The following KIF11 variants were observed in gnomAD, a reference collection of about 807,000 sequenced individuals.
KIF11 encodes the protein kinesin-like protein KIF11.
KIF11 carries 9 observed loss-of-function variants against 121.0 expected under a neutral mutation model. The observed-to-expected ratio is 0.07, with a 90% CI of 0.04 to 0.13. The LOEUF (loss-of-function observed/expected upper bound fraction) is 0.13. Ranked by LOEUF, KIF11 falls within the 10% of genes least tolerant of loss-of-function variation. The pLI is 1.00. For missense variants in KIF11, 846 were observed against 1,217.5 expected (o/e 0.69, Z 4.54); for synonymous variants, 408 against 421.0 (o/e 0.97, Z 0.38).
rs766785394 is a variant in KIF11, at chr10:92,655,030, G to A, written c.*1234G>A. 2 of 152,476 alleles carry A rather than the reference G, an allele frequency of 1.3e-5. No homozygotes were observed. Among genetic ancestry groups the A allele is most frequent in the African/African-American group, 2.4e-5 (1 of 41,402 alleles). 9.4% of individuals were successfully genotyped at this position (152,476 alleles called of 1,614,324 possible). On this transcript the variant is annotated 3_prime_UTR_variant, in exon 22 of 22. Transcript: ENST00000260731. The stretch of plus-strand genomic sequence containing the variant: ...CAATGTGTACATGTATCTTTTTCTC[G>A]ATTCAAATCTTAACCCTTAGGACTC...
chr10:92,602,825 CGTGTGTGTGTGTGTGTGT>C (rs3980475), intron 1 of KIF11, among the ~76,000 whole-genome samples: 2 of 122,440 alleles, frequency 1.6e-5, no homozygotes, highest in South Asian at 2.5e-4. Context: ...CACACACACA[CGTGTGTGTGTGTGTGTGT>C]GTGTGTGTGT....
Position 92,593,172 on chromosome 10 carries a change from G to A in KIF11, c.-204G>A, listed in dbSNP as rs1329876944. On this transcript the variant is annotated 5_prime_UTR_variant, in exon 1 of 22. Coordinates refer to ENST00000260731, the MANE Select transcript of KIF11 (RefSeq NM_004523.4). ...GCGGAGACGAGATTAGTGATTTGGC[G>A]GCTCCGACTGGCGCGGGACAAACGC... 5.5e-6 allele frequency: 3 copies of A among 541,572 alleles called. No individual in the cohort carries two copies. Among genetic ancestry groups the A allele is most frequent in the East Asian group, 3.1e-5 (1 of 32,322 alleles). 33.5% of individuals were successfully genotyped at this position (541,572 alleles called of 1,614,324 possible).
chr10:92,646,477 A>G (rs1247572727), intron 18 of KIF11, among the ~76,000 whole-genome samples: 1 of 152,044 alleles, frequency 6.6e-6, no homozygotes, highest in South Asian at 2.1e-4. Context: ...TTTAATCTAT[A>G]TAAGCTGTTT....
chr10:92,631,354 ATTTTT>A (rs1247892671), intron 12 of KIF11, among the ~76,000 whole-genome samples: 1 of 131,956 alleles, frequency 7.6e-6, no homozygotes, highest in Non-Finnish European at 1.6e-5. Context: ...AAAGTATTTA[ATTTTT>A]TTTTTTTTTT....
chr10:92,624,120 A>C, intron 10 of KIF11, among the ~76,000 whole-genome samples: 1 of 151,798 alleles, frequency 6.6e-6, no homozygotes, highest in East Asian at 1.9e-4. Flanking sequence ...TTTAGCTCCT[A>C]CTTATAAGTG....
chr10:92,650,327 C>T, intron 20 of KIF11, 74 bp from the exon 21 acceptor site: 2 of 835,274 alleles, frequency 2.4e-6, no homozygotes, highest in Admixed American at 3.8e-5. Context: ...TTGTGTTATA[C>T]TCAAAGCTGC....
rs11187096 is a variant in KIF11, at chr10:92,609,831, G to T, written c.698+322G>T. Among the ~76,000 whole-genome samples the T allele has an allele frequency of 0.31, 47,051 of 151,998 alleles. 8,230 individuals carry two copies. Among genetic ancestry groups the T allele is most frequent in the East Asian group, 0.67 (3,469 of 5,160 alleles). ...GACTCACTGCAACCTCTGCCCACCG[G>T]GTTGAAGCAATTCTCCTGCCTCAGC... On this transcript the variant is annotated intron_variant, in intron 6 of 21. Transcript: ENST00000260731.
At chr10:92,649,133 A>C (rs1265670858) in intron 19 of KIF11, among the ~76,000 whole-genome samples, 1 of 149,828 alleles carries the variant, frequency 6.7e-6, no homozygotes, top group Non-Finnish European at 1.5e-5. Context: ...TTTTTTTTTT[A>C]ATTTAAAAAG....
At chr10:92,630,083 T>C (rs1844720218) in intron 11 of KIF11, 93 bp from the exon 12 acceptor site, 2 of 655,884 alleles carry the variant, frequency 3.0e-6, no homozygotes, top group Non-Finnish European at 5.0e-6. Flanking sequence ...TTACAACTTT[T>C]GCATGGAAAT....
intron 4 of KIF11, among the ~76,000 whole-genome samples, chr10:92,607,544 A>C (rs1299868226): frequency 6.6e-6 from 1 of 152,184 alleles, no homozygotes; most frequent in Non-Finnish European, 1.5e-5. Context: ...GCTTGAAGGC[A>C]GGGAGGGCTT....
chr10:92,652,042 C>G (rs923074484), intron 21 of KIF11, among the ~76,000 whole-genome samples: 4 of 148,236 alleles, frequency 2.7e-5, no homozygotes, highest in African/African-American at 1.0e-4. Context: ...AACTCTTGGC[C>G]TCAAGCAGCC....
chr10:92,609,605 G>A, intron 6 of KIF11, 96 bp downstream of exon 6: 1 of 1,149,890 alleles, frequency 8.7e-7, no homozygotes, highest in Non-Finnish European at 1.2e-6. Flanking sequence ...GGGTATGTGG[G>A]TCACGTACCT....
intron 14 of KIF11, 152 bp from the exon 15 acceptor site, chr10:92,637,032 C>CAAAA (rs66987236): frequency 1.4e-4 from 53 of 374,630 alleles, no homozygotes; most frequent in African/African-American, 3.2e-4. Context: ...GACTCCGTCT[C>CAAAA]AAAAAAAAAA....
chr10:92,638,720 C>T (rs942263135), intron 16 of KIF11, among the ~76,000 whole-genome samples: 1 of 152,194 alleles, frequency 6.6e-6, no homozygotes, highest in Admixed American at 6.5e-5. Context: ...ACTTTGAACA[C>T]ATTTACATAT....
intron 1 of KIF11, among the ~76,000 whole-genome samples, chr10:92,600,446 T>C (rs562049108): frequency 6.6e-6 from 1 of 152,310 alleles, no homozygotes; most frequent in South Asian, 2.1e-4. Context: ...CAGCATCCAC[T>C]AGCTATTCTT....
chr10:92,635,349 C>T (rs1165263278), intron 14 of KIF11, among the ~76,000 whole-genome samples: 1 of 152,106 alleles, frequency 6.6e-6, no homozygotes, highest in Non-Finnish European at 1.5e-5. Flanking sequence ...AGGCATACTT[C>T]AGAGATATTG....
At chr10:92,608,289 T>C (rs980792953) in intron 4 of KIF11, among the ~76,000 whole-genome samples, 5 of 151,796 alleles carry the variant, frequency 3.3e-5, no homozygotes, top group South Asian at 2.1e-4. Context: ...TTTTCCAAAT[T>C]ATTGACAGTT....
chr10:92,633,642 T>C lies in KIF11; in HGVS notation c.1722T>C (p.Ser574=), dbSNP rs752033746. The part of the protein sequence containing the change: ...KTLFGNLLSS[S]VSALDTITTV... ...TTATAGGTAATCTGCTGTCTTCCAG[T>C]GTCTCTGCATTAGATACCATTACTA... The change falls in exon 14 of 22, where the codon AGT becomes AGC. Residue 574 remains serine, a synonymous_variant. Coordinates refer to ENST00000260731, the MANE Select transcript of KIF11 (RefSeq NM_004523.4). 13 of 1,606,110 alleles carry C rather than the reference T, an allele frequency of 8.1e-6. No individual in the cohort carries two copies. Among genetic ancestry groups the C allele is most frequent in the Non-Finnish European group, 2.6e-6 (3 of 1,175,002 alleles).
intron 10 of KIF11, 147 bp downstream of exon 10, chr10:92,621,620 G>C: frequency 3.5e-6 from 2 of 574,220 alleles, no homozygotes; most frequent in Non-Finnish European, 6.2e-6. Context: ...GTTTTCTTTT[G>C]AGACAAGGTC....
Sources: gnomAD v4.1 joint callset for allele counts (sites outside exome capture counted in the v4.1 genomes callset) on GRCh38, gnomAD v4.1.1 for gene constraint, MANE v1.5 for transcripts, NCBI Gene and HGNC (gene_info 2026-07-23, HGNC 2026-07-21) for gene names.